RANGAP1: variants seen among roughly 807,000 people sequenced by gnomAD.
The protein encoded by RANGAP1 is Ran GTPase activating protein 1, also known as ran GTPase-activating protein 1.
Under a neutral mutation model 63.5 loss-of-function variants are expected in RANGAP1, and 38 were observed. The observed-to-expected ratio is 0.60, with a 90% CI of 0.46 to 0.78. The LOEUF (loss-of-function observed/expected upper bound fraction) is 0.78. Among genes scored for constraint, RANGAP1 ranks in the 30% least tolerant of loss-of-function variants. The pLI, the probability that RANGAP1 is intolerant of heterozygous loss-of-function variation, is 0.00. For synonymous variants in RANGAP1, 329 were observed against 310.5 expected (o/e 1.06, Z -0.63); for missense variants, 630 against 740.3 (o/e 0.85, Z 1.73).
chr22:41,264,618 G>A (rs1044972526), intron 5 of RANGAP1, 46 bp downstream of exon 5: 1 of 1,573,852 alleles, frequency 6.4e-7, no homozygotes, highest in African/African-American at 1.3e-5. Flanking sequence ...TCAGACGGAT[G>A]TGGATGGACC....
chr22:41,266,034 C>G (rs1260168810), intron 4 of RANGAP1, among the ~76,000 whole-genome samples: 2 of 152,228 alleles, frequency 1.3e-5, no homozygotes, highest in East Asian at 1.9e-4. Context: ...AACCCCATCT[C>G]TACTAAAAAT....
chr22:41,264,875 T>C lies in RANGAP1; in HGVS notation c.301-32A>G, dbSNP rs75787235. 6.6e-4 allele frequency: 1,039 copies of C among 1,577,534 alleles called. 6 individuals are homozygous for C. The African/African-American group carries it at 0.013, about 20-fold the overall frequency. ...ACAGAGGAAGCTCGTGTCAGTTTCA[T>C]AGACACCCAGCTTCTGTGCTGGGTG... On this transcript the variant is annotated intron_variant, in intron 4 of 15. Coordinates refer to ENST00000356244, the MANE Select transcript of RANGAP1 (RefSeq NM_002883.4).
intron 12 of RANGAP1, among the ~76,000 whole-genome samples, chr22:41,252,271 C>T (rs1001983202): frequency 1.3e-5 from 2 of 152,108 alleles, no homozygotes; most frequent in Admixed American, 1.3e-4. Context: ...CACTGCACTC[C>T]AGCCTGGGCG....
chr22:41,279,228 TG>T (rs1258065765), intron 2 of RANGAP1, among the ~76,000 whole-genome samples: 2 of 151,878 alleles, frequency 1.3e-5, no homozygotes, highest in Non-Finnish European at 2.9e-5. Flanking sequence ...CCCAGTACTT[TG>T]GGGGCTGAGG....
chr22:41,251,547 G>A (rs2033447833), intron 12 of RANGAP1, among the ~76,000 whole-genome samples: 1 of 151,368 alleles, frequency 6.6e-6, no homozygotes, highest in South Asian at 2.1e-4. Context: ...GACTGCTTGA[G>A]CCCAGGAGGT....
chr22:41,295,091 C>A, the RANGAP1 span, among the ~76,000 whole-genome samples: 1 of 146,122 alleles, frequency 6.8e-6, no homozygotes, highest in Non-Finnish European at 1.5e-5. Flanking sequence ...GTCAGCCCCC[C>A]GCCCGGCCAG....
At chr22:41,291,596 TAAAAAA>T in the RANGAP1 span, among the ~76,000 whole-genome samples, 1 of 106,078 alleles carries the variant, frequency 9.4e-6, no homozygotes, top group Non-Finnish European at 1.8e-5. Flanking sequence ...AGATCCATCT[TAAAAAA>T]AAAAAAAAAA....
At position 41,256,705 on chromosome 22, in the gene RANGAP1, T is replaced by C. The variant is rs766718042; in HGVS notation, c.888+6A>G. 1.9e-6 allele frequency: 3 copies of C among 1,613,028 alleles called. No individual in the cohort carries two copies. In the East Asian group the frequency reaches 6.7e-5, roughly 36 times the overall value. ...GAGGGAGGACGTCAGGCGTCCAGGC[T>C]GGCACCTTTAGCTTGGGCAGGCCGC... is the stretch of plus-strand genomic sequence containing the variant. On this transcript the variant is annotated splice_donor_region_variant and intron_variant, in intron 8 of 15. Coordinates refer to ENST00000356244, the MANE Select transcript of RANGAP1 (RefSeq NM_002883.4).
chr22:41,251,655 G>A (rs1009054476), intron 12 of RANGAP1, among the ~76,000 whole-genome samples: 26 of 152,056 alleles, frequency 1.7e-4, no homozygotes, highest in Admixed American at 5.9e-4. Flanking sequence ...TCATTTCAGG[G>A]ATCCAGTGGT....
chr22:41,288,196 C>T (rs1384053221), upstream of RANGAP1, among the ~76,000 whole-genome samples: 1 of 152,138 alleles, frequency 6.6e-6, no homozygotes, highest in Non-Finnish European at 1.5e-5. Context: ...CTTCCCTCTC[C>T]TTTTTACCTA....
At chr22:41,293,043 G>C in the RANGAP1 span, among the ~76,000 whole-genome samples, 1 of 151,918 alleles carries the variant, frequency 6.6e-6, no homozygotes, top group African/African-American at 2.4e-5. Flanking sequence ...AGACCATCCT[G>C]GCTAACATGG....
upstream of RANGAP1, among the ~76,000 whole-genome samples, chr22:41,289,763 T>C (rs995493797): frequency 1.3e-5 from 2 of 152,196 alleles, no homozygotes; most frequent in Non-Finnish European, 2.9e-5. Context: ...ATCATGGCCT[T>C]TGACAGATGG....
chr22:41,282,125 AAAAAATAAAAAT>A (rs889377362), intron 1 of RANGAP1: 6 of 152,262 alleles, frequency 3.9e-5, no homozygotes, highest in African/African-American at 1.4e-4. Flanking sequence ...CCCTGTCTCA[AAAAAATAAAAAT>A]AAAAATAAAA....
At chr22:41,277,387 G>T in intron 2 of RANGAP1, 1 of 1,046,116 alleles carries the variant, frequency 9.6e-7, no homozygotes, top group Non-Finnish European at 1.3e-6. Context: ...CGAAAGTGAG[G>T]ATATATTTTT....
intron 3 of RANGAP1, among the ~76,000 whole-genome samples, chr22:41,268,496 C>G (rs2034611981): frequency 1.3e-5 from 2 of 152,054 alleles, no homozygotes; most frequent in African/African-American, 2.4e-5. Context: ...CTCAGGTGAT[C>G]TGCCCACCTT....
At chr22:41,275,689 G>C (rs1008702661) in intron 2 of RANGAP1, among the ~76,000 whole-genome samples, 2 of 151,896 alleles carry the variant, frequency 1.3e-5, no homozygotes, top group Non-Finnish European at 1.5e-5. Flanking sequence ...TGAGGCAGGA[G>C]AATCACCTGA....
At chr22:41,259,216 T>G (rs560404660) in intron 6 of RANGAP1, among the ~76,000 whole-genome samples, 1 of 152,288 alleles carries the variant, frequency 6.6e-6, no homozygotes, top group East Asian at 1.9e-4. Flanking sequence ...GACCCAGGAC[T>G]GAGGGTTGGC....
chr22:41,259,360 A>G (rs2034030847), intron 6 of RANGAP1, among the ~76,000 whole-genome samples: 1 of 152,198 alleles, frequency 6.6e-6, no homozygotes, highest in South Asian at 2.1e-4. Flanking sequence ...AGGCCTTCTT[A>G]GTATTTTCTG....
chr22:41,256,937 T>G (rs2033877122), intron 7 of RANGAP1, 113 bp from the exon 8 acceptor site: 2 of 740,090 alleles, frequency 2.7e-6, no homozygotes, highest in Non-Finnish European at 4.5e-6. Context: ...CACACTGTCC[T>G]CCTCTGCAAG....
Sources: allele counts gnomAD v4.1 joint callset (sites outside exome capture counted in the v4.1 genomes callset), GRCh38; gene constraint gnomAD v4.1.1; transcripts MANE v1.5; gene names NCBI Gene and HGNC (gene_info 2026-07-23, HGNC 2026-07-21).